WNK2: variants seen among roughly 807,000 people sequenced by gnomAD.
The protein encoded by WNK2 is WNK lysine deficient protein kinase 2.
A neutral mutation model predicts 192.1 loss-of-function variants in WNK2; 67 were observed. The ratio of observed to expected loss-of-function variants is 0.35; its 90% CI spans 0.29 to 0.43. The LOEUF is 0.43. Ranked by LOEUF, WNK2 falls within the 20% of genes least tolerant of loss-of-function variation. WNK2 has a pLI of 1.00. For missense variants in WNK2, 2,698 were observed against 3,089.7 expected, an observed-to-expected ratio of 0.87 and a Z score of 3.01; for synonymous variants, 1,439 against 1,393.9, an observed-to-expected ratio of 1.03 and a Z score of -0.72.
intron 2 of WNK2, among the ~76,000 whole-genome samples, chr9:93,191,525 A>C (rs560969215): frequency 6.6e-6 from 1 of 151,942 alleles, no homozygotes; most frequent in South Asian, 2.1e-4. Context: ...GAGTGGAGTG[A>C]GGTTTTGACA....
intron 2 of WNK2, among the ~76,000 whole-genome samples, chr9:93,205,753 C>T (rs1833255686): frequency 6.6e-6 from 1 of 152,220 alleles, no homozygotes; most frequent in African/African-American, 2.4e-5. Context: ...AGAAGCTTCT[C>T]TCTGGGGGAC....
At chr9:93,200,788 A>G (rs1443547757) in intron 2 of WNK2, among the ~76,000 whole-genome samples, 3 of 152,222 alleles carry the variant, frequency 2.0e-5, no homozygotes, top group Non-Finnish European at 2.9e-5. Flanking sequence ...ATTTGTAAAA[A>G]GAGGGTTTAA....
chr9:93,211,499 C>T (rs892792133), intron 2 of WNK2, among the ~76,000 whole-genome samples: 1 of 150,830 alleles, frequency 6.6e-6, no homozygotes, highest in African/African-American at 2.4e-5. Flanking sequence ...TCCACTCATT[C>T]ATTCACTCAT....
chr9:93,294,285 C>T (rs1466770503), intron 23 of WNK2, among the ~76,000 whole-genome samples: 3 of 152,108 alleles, frequency 2.0e-5, no homozygotes, highest in Non-Finnish European at 2.9e-5. Context: ...TCTCTGTGTT[C>T]GTGGAGAACT....
rs528412026 is a variant in WNK2 at position 93,311,307 on chromosome 9, G to T, written c.6516+2723G>T. The stretch of plus-strand genomic sequence containing the variant: ...TATCTGGTACCACATCCATTCTCAG[G>T]GGAATCCTGTTACGGGATTGTCTGT... On this transcript the variant is annotated intron_variant, in intron 28 of 29. Transcript: ENST00000427277. Among the ~76,000 whole-genome samples, 4 of 152,296 alleles carry T rather than the reference G, an allele frequency of 2.6e-5. No individual in the cohort carries two copies. In the East Asian group the frequency reaches 7.7e-4, roughly 29 times the overall value.
In WNK2 at chr9:93,259,531, C is replaced by A. The variant is rs1379131388; in HGVS notation, c.2983C>A (p.Gln995Lys). Reference protein sequence around the residue: ...MLPPQPVLPPQPALPVRPEPL... With the variant: ...MLPPQPVLPPKPALPVRPEPL... ...GCCCCCACAACCTGTGCTGCCCCCG[C>A]AGCCGGCACTGCCTGTGCGCCCTGA... is the stretch of plus-strand genomic sequence containing the variant. Residue 995 changes from glutamine (Q) to lysine (K), a missense_variant, in exon 12 of 30, where the codon CAG becomes AAG. By Grantham distance (53) the Gln-to-Lys change is moderately conservative. Transcript: ENST00000427277. This position sits in a 1 kb window ranked among gnomAD's most constrained non-coding sequence, Gnocchi z 4.8. The A allele has an allele frequency of 4.4e-6, 7 of 1,591,628 alleles. No individual in the cohort carries two copies. The highest frequency in any genetic ancestry group is 6.0e-6 in the Non-Finnish European group (7 of 1,174,976).
Position 93,252,990 on chromosome 9 carries a change from G to A in WNK2, c.1942G>A (p.Ala648Thr). The change falls in exon 9 of 30, where the codon GCC becomes ACC. Residue 648 changes from alanine to threonine, a missense_variant. By Grantham distance (58) the Ala-to-Thr change is moderately conservative. Transcript: ENST00000427277. ...GSLADAAPSP[A>T]QCVCSPPVSE... is the part of the protein sequence containing the mutation. ...CCTTGCCGACGCAGCGCCGTCCCCG[G>A]CCCAGTGTGTGTGCAGCCCCCCTGT... The A allele has an allele frequency of 6.4e-7, 1 of 1,565,458 alleles. No homozygotes were observed. Among genetic ancestry groups the A allele is most frequent in the Admixed American group, 1.9e-5 (1 of 53,072 alleles).
chr9:93,185,062 A>C lies in WNK2; in HGVS notation c.133A>C (p.Ser45Arg), dbSNP rs755723935. 1 of 1,304,244 alleles carries C rather than the reference A, an allele frequency of 7.7e-7. No individual in the cohort carries two copies. The highest frequency in any genetic ancestry group is 3.5e-5 in the Admixed American group (1 of 28,692). 80.8% of individuals were successfully genotyped at this position (1,304,244 alleles called of 1,614,324 possible). Residue 45 changes from serine to arginine, a missense_variant, in exon 2 of 30, where the codon AGC becomes CGC. Physicochemically the swap from Ser to Arg is moderately radical, Grantham distance 110 (BLOSUM62 -1). This residue lies in a region of WNK2 where 260 missense variants were observed against 285.6 expected (regional missense o/e 0.91). Coordinates refer to ENST00000427277, the MANE Select transcript of WNK2 (RefSeq NM_006648.4). ...RPGPQRFLRRSVVESDQEEPP... is the reference protein window; with the variant it reads ...RPGPQRFLRRRVVESDQEEPP... ...GGGGCCCCAGCGCTTTCTGCGGCGC[A>C]GCGTGGTAGAGTCGGACCAGGAGGA...
Position 93,184,380 on chromosome 9 carries a change from C to G in WNK2, c.-8C>G, listed in dbSNP as rs1325135779. Among the ~76,000 whole-genome samples, 4 of 151,344 alleles carry G rather than the reference C, an allele frequency of 2.6e-5. No homozygotes were observed. The highest frequency in any genetic ancestry group is 2.6e-4 in the Admixed American group (4 of 15,192). On this transcript the variant is annotated 5_prime_UTR_variant, in exon 1 of 30. Transcript: ENST00000427277. ...GCCGCGGGCATGGACGGCGTCCGCT[C>G]GCCCTGTGAGTGCCGAGCCTCCCCT...
intron 26 of WNK2, among the ~76,000 whole-genome samples, chr9:93,303,161 C>G (rs1379442120): frequency 6.6e-6 from 1 of 152,176 alleles, no homozygotes; most frequent in Non-Finnish European, 1.5e-5. Flanking sequence ...CTCAAGCAGT[C>G]CACCCACGTT....
chr9:93,188,298 G>T (rs1413401429), intron 2 of WNK2, among the ~76,000 whole-genome samples: 2 of 152,212 alleles, frequency 1.3e-5, no homozygotes, highest in African/African-American at 4.8e-5. Flanking sequence ...GTTTTTCAGG[G>T]TTCCCTGCCA....
intron 21 of WNK2, among the ~76,000 whole-genome samples, chr9:93,290,440 G>A (rs1257400527): frequency 6.6e-6 from 1 of 151,748 alleles, no homozygotes; most frequent in South Asian, 2.1e-4. Flanking sequence ...GAAGCCAAAA[G>A]ACTGGATGCC....
chr9:93,194,359 C>T (rs533947713), intron 2 of WNK2, among the ~76,000 whole-genome samples: 1 of 152,124 alleles, frequency 6.6e-6, no homozygotes, highest in Admixed American at 6.6e-5. Context: ...ATTCTTAAAA[C>T]TCAACAATAA....
intron 2 of WNK2, among the ~76,000 whole-genome samples, chr9:93,216,792 A>C (rs1374826971): frequency 6.6e-6 from 1 of 150,564 alleles, no homozygotes; most frequent in African/African-American, 2.5e-5. Flanking sequence ...CCTGGGTGAC[A>C]GAGTGAGACT....
At chr9:93,244,583 G>A (rs1358675302) in intron 7 of WNK2, among the ~76,000 whole-genome samples, 1 of 152,226 alleles carries the variant, frequency 6.6e-6, no homozygotes, top group Non-Finnish European at 1.5e-5. Context: ...GCAGCAGGAG[G>A]ACGTGGCCTT....
chr9:93,197,436 CT>C (rs1201519407), intron 2 of WNK2, among the ~76,000 whole-genome samples: 2 of 152,218 alleles, frequency 1.3e-5, no homozygotes, highest in Non-Finnish European at 1.5e-5. Flanking sequence ...GTCCCTCTGC[CT>C]TTTATTATTA....
chr9:93,252,700 A>G (rs1017371606), intron 8 of WNK2, among the ~76,000 whole-genome samples, 183 bp from the exon 9 acceptor site: 2 of 152,232 alleles, frequency 1.3e-5, no homozygotes, highest in African/African-American at 2.4e-5. Context: ...GGAGTGGGGC[A>G]CCGTGACAGC....
At chr9:93,252,410 C>T (rs1842722812) in intron 8 of WNK2, among the ~76,000 whole-genome samples, 1 of 152,268 alleles carries the variant, frequency 6.6e-6, no homozygotes, top group South Asian at 2.1e-4. Flanking sequence ...GGCACCTTGA[C>T]ATGTTTGGGC....
At chr9:93,273,510 G>C (rs1846311122) in intron 19 of WNK2, among the ~76,000 whole-genome samples, 1 of 152,216 alleles carries the variant, frequency 6.6e-6, no homozygotes, top group Admixed American at 6.5e-5. Flanking sequence ...CCCTAAATGT[G>C]TATACATCTA....
Sources: allele counts gnomAD v4.1 joint callset (sites outside exome capture counted in the v4.1 genomes callset), GRCh38; gene constraint gnomAD v4.1.1; regional missense constraint gnomAD v4.1.1; non-coding constraint Gnocchi (gnomAD v3.1); transcripts MANE v1.5; gene names NCBI Gene and HGNC (gene_info 2026-07-23, HGNC 2026-07-21).